The following PCDHGA11 variants were observed in gnomAD, a reference collection of about 807,000 sequenced individuals.
PCDHGA11 encodes protocadherin gamma-A11.
Under a neutral mutation model 60.4 loss-of-function variants are expected in PCDHGA11, and 39 were observed. That is an observed-to-expected ratio of 0.65 (90% CI 0.50 to 0.84). The LOEUF is 0.84. PCDHGA11 is among the 40% of genes least tolerant of loss of function. The pLI is 0.00. For synonymous variants in PCDHGA11, 533 were observed against 510.3 expected, an observed-to-expected ratio of 1.04 and a Z score of -0.60; for missense variants, 1,165 against 1,197.7, an observed-to-expected ratio of 0.97 and a Z score of 0.40.
At chr5:141,470,825 C>G (rs557419577) in intron 1 of PCDHGA11, among the ~76,000 whole-genome samples, 24 of 152,182 alleles carry the variant, frequency 1.6e-4, no homozygotes, top group African/African-American at 4.1e-4. Context: ...GTAGTTAGGA[C>G]GACAAACACA....
intron 1 of PCDHGA11, chr5:141,430,838 G>C (rs866767896): frequency 1.3e-6 from 2 of 1,563,026 alleles, no homozygotes; most frequent in Middle Eastern, 1.7e-4. Context: ...GTGGGAGACC[G>C]GATGCACCCA....
chr5:141,492,042 A>T, intron 1 of PCDHGA11: 1 of 519,520 alleles, frequency 1.9e-6, no homozygotes, highest in Non-Finnish European at 3.4e-6. Context: ...GCAGTCACAG[A>T]TCCACCCCTG....
intron 1 of PCDHGA11, chr5:141,428,160 T>C (rs761366261): frequency 6.4e-7 from 1 of 1,572,286 alleles, no homozygotes; most frequent in Non-Finnish European, 8.7e-7. Context: ...AACCTGCTGG[T>C]TGCTGTGCGT....
rs762530904 is a variant in PCDHGA11, at chr5:141,422,966, C to T, written c.1739C>T (p.Pro580Leu). The T allele has an allele frequency of 2.5e-6, 4 of 1,614,112 alleles. No individual in the cohort carries two copies. The East Asian group carries it at 8.9e-5, about 36-fold the overall frequency. ...GGCTCCACTGGCGTGGAGCTGGCGC[C>T]CCGCTCTGCGGAACCTGGCTACCTG... ...TDGSTGVELA[P>L]RSAEPGYLVT... Residue 580 changes from proline to leucine, a missense_variant, in exon 1 of 4, where the codon CCC becomes CTC. Pro to Leu is a moderately conservative substitution (Grantham distance 98). Coordinates refer to ENST00000398587, the MANE Select transcript of PCDHGA11 (RefSeq NM_018914.3).
chr5:141,505,507 A>G, intron 3 of PCDHGA11, 26 bp downstream of exon 3: 1 of 1,614,004 alleles, frequency 6.2e-7, no homozygotes, highest in South Asian at 1.1e-5. Flanking sequence ...GTGTGTATGG[A>G]AGAGTGGGAG....
In PCDHGA11 at chr5:141,491,365, T is replaced by A. The variant is rs201011046; in HGVS notation, c.2434-3442T>A. ...CGTCAGTCTCTTATCCCTAGTCACC[T>A]TCACCTTTCTGTCAGCGAAGTGCCT... On this transcript the variant is annotated intron_variant, in intron 1 of 3. Transcript: ENST00000398587. This position sits in a 1 kb window ranked among gnomAD's most constrained non-coding sequence, Gnocchi z 6.9. 1.7e-5 allele frequency: 27 copies of A among 1,614,016 alleles called. No individual in the cohort carries two copies. The highest frequency in any genetic ancestry group is 2.0e-5 in the Non-Finnish European group (24 of 1,179,982).
chr5:141,473,362 C>G (rs2099320242), intron 1 of PCDHGA11, among the ~76,000 whole-genome samples: 1 of 152,166 alleles, frequency 6.6e-6, no homozygotes, highest in South Asian at 2.1e-4. Flanking sequence ...AAGTGGCCAC[C>G]AAAATAGCAT....
chr5:141,456,814 ATTAGCCATCGTGG>A (rs2098889077), intron 1 of PCDHGA11, among the ~76,000 whole-genome samples: 1 of 151,928 alleles, frequency 6.6e-6, no homozygotes, highest in Non-Finnish European at 1.5e-5. Context: ...AATACAAAAA[ATTAGCCATCGTGG>A]TAGTGGGCGC....
chr5:141,445,388 A>G (rs2098465525), intron 1 of PCDHGA11, among the ~76,000 whole-genome samples: 2 of 152,212 alleles, frequency 1.3e-5, no homozygotes, highest in African/African-American at 4.8e-5. Flanking sequence ...TCATTCATTT[A>G]CATAACAAAT....
chr5:141,494,914 A>G (rs906245656), intron 2 of PCDHGA11, 49 bp downstream of exon 2: 5 of 1,613,708 alleles, frequency 3.1e-6, no homozygotes, highest in Admixed American at 1.7e-5. Context: ...GCATTTTCTC[A>G]GGGATGACGT....
chr5:141,473,048 A>T (rs1295750830), intron 1 of PCDHGA11, among the ~76,000 whole-genome samples: 4 of 151,992 alleles, frequency 2.6e-5, no homozygotes, highest in Non-Finnish European at 5.9e-5. Flanking sequence ...GAAAGAAAGA[A>T]GTGATACAAC....
Position 141,432,110 on chromosome 5 carries a change from G to A in PCDHGA11, c.2433+8450G>A. On this transcript the variant is annotated intron_variant, in intron 1 of 3. Coordinates refer to ENST00000398587, the MANE Select transcript of PCDHGA11 (RefSeq NM_018914.3). This position sits in a 1 kb window ranked among gnomAD's most constrained non-coding sequence, Gnocchi z 6.0. ...GGCAGACACCAACGACAACCCGCCG[G>A]TCTTCCCTCAGGCCTCCTATTCCGC... 6.2e-7 allele frequency: 1 copy of A among 1,614,108 alleles called. No individual in the cohort carries two copies. Among genetic ancestry groups the A allele is most frequent in the Non-Finnish European group, 8.5e-7 (1 of 1,180,036 alleles).
chr5:141,431,582 G>A lies in PCDHGA11; in HGVS notation c.2433+7922G>A. On this transcript the variant is annotated intron_variant, in intron 1 of 3. Coordinates refer to ENST00000398587, the MANE Select transcript of PCDHGA11 (RefSeq NM_018914.3). The surrounding 1 kb of genome is among the most constrained non-coding windows in gnomAD (Gnocchi z 4.8). Reference sequence around the variant, plus strand: ...TACCGACCCTGACGAAGGAGTCAATGCGGAAGTGAGGTATTCCTTCCGGTA... The same window carrying A: ...TACCGACCCTGACGAAGGAGTCAATACGGAAGTGAGGTATTCCTTCCGGTA... The A allele has an allele frequency of 6.2e-7, 1 of 1,614,210 alleles. No homozygotes were observed. Among genetic ancestry groups the A allele is most frequent in the Non-Finnish European group, 8.5e-7 (1 of 1,180,036 alleles).
intron 1 of PCDHGA11, among the ~76,000 whole-genome samples, chr5:141,462,442 A>C (rs890167032): frequency 1.3e-5 from 2 of 152,150 alleles, no homozygotes; most frequent in African/African-American, 4.8e-5. Context: ...GCTTACACAC[A>C]ACTGTGTAAC....
At chr5:141,496,011 T>G (rs1232125559) in intron 2 of PCDHGA11, among the ~76,000 whole-genome samples, 1 of 152,114 alleles carries the variant, frequency 6.6e-6, no homozygotes, top group African/African-American at 2.4e-5. Flanking sequence ...ATCTTGTCTT[T>G]TTTCTCTGAG....
intron 1 of PCDHGA11, among the ~76,000 whole-genome samples, chr5:141,458,869 A>G (rs2154566384): frequency 6.6e-6 from 1 of 152,264 alleles, no homozygotes; most frequent in East Asian, 1.9e-4. Context: ...AGTAGCTGGG[A>G]CTACAGGCAT....
chr5:141,446,594 A>G (rs571957656), intron 1 of PCDHGA11, among the ~76,000 whole-genome samples: 8 of 152,136 alleles, frequency 5.3e-5, no homozygotes, highest in African/African-American at 1.9e-4. Flanking sequence ...CTTCTGCCTC[A>G]GCCTCCTGAG....
chr5:141,491,583 C>G lies in PCDHGA11; in HGVS notation c.2434-3224C>G. On this transcript the variant is annotated intron_variant, in intron 1 of 3. Coordinates refer to ENST00000398587, the MANE Select transcript of PCDHGA11 (RefSeq NM_018914.3). This position sits in a 1 kb window ranked among gnomAD's most constrained non-coding sequence, Gnocchi z 6.9. ...GCTACAGGACGTGCTTTTCACCGGC[C>G]TCGGACGGCAGTGACTTCACTTTTC... is the stretch of plus-strand genomic sequence containing the variant. 1 of 1,613,964 alleles carries G rather than the reference C, an allele frequency of 6.2e-7. No individual in the cohort carries two copies. The highest frequency in any genetic ancestry group is 8.5e-7 in the Non-Finnish European group (1 of 1,180,046).
chr5:141,511,007 G>A lies in PCDHGA11; in HGVS notation c.2642G>A (p.Arg881His), dbSNP rs780918754. The change falls in exon 4 of 4, where the codon CGC becomes CAC. Residue 881 changes from arginine to histidine, a missense_variant. Physicochemically the swap from Arg to His is conservative, Grantham distance 29 (BLOSUM62 0). Transcript: ENST00000398587. ...GCCGGCACCATGGGATTGAGCGCCC[G>A]CTACGGACCCCAGTTCACCCTGCAG... is the stretch of plus-strand genomic sequence containing the variant. ...GGAGTMGLSA[R>H]YGPQFTLQHV... 1.9e-6 allele frequency: 3 copies of A among 1,614,158 alleles called. No individual in the cohort carries two copies. Among genetic ancestry groups the A allele is most frequent in the East Asian group, 4.5e-5 (2 of 44,890 alleles).
Sources: gnomAD v4.1 joint callset for allele counts (sites outside exome capture counted in the v4.1 genomes callset) on GRCh38, gnomAD v4.1.1 for gene constraint, Gnocchi (gnomAD v3.1) non-coding constraint, MANE v1.5 for transcripts, NCBI Gene and HGNC (gene_info 2026-07-23, HGNC 2026-07-21) for gene names.